CYP39A1: variants seen among roughly 807,000 people sequenced by gnomAD.
CYP39A1 encodes the protein 24-hydroxycholesterol 7-alpha-hydroxylase.
In CYP39A1, 49 loss-of-function variants were observed where a neutral mutation model predicts 58.1. The observed-to-expected ratio is 0.84, with a 90% CI of 0.67 to 1.07. The LOEUF is 1.07. CYP39A1 is among the 50% of genes least tolerant of loss of function. CYP39A1 has a pLI of 0.00. For synonymous variants in CYP39A1, 209 were observed against 187.6 expected (o/e 1.11, Z -0.93); for missense variants, 531 against 539.4 (o/e 0.98, Z 0.16).
intron 7 of CYP39A1, among the ~76,000 whole-genome samples, chr6:46,597,803 G>T (rs1773256254): frequency 6.6e-6 from 1 of 152,088 alleles, no homozygotes; most frequent in African/African-American, 2.4e-5. Context: ...TCCTGTCTTA[G>T]GCTGAGGGAG....
At chr6:46,581,382 C>T (rs1388473461) in intron 10 of CYP39A1, among the ~76,000 whole-genome samples, 1 of 148,060 alleles carries the variant, frequency 6.8e-6, no homozygotes, top group African/African-American at 2.5e-5. Flanking sequence ...TGCACTTTAG[C>T]CTGGGCAACA....
chr6:46,630,622 T>C (rs1775600263), intron 6 of CYP39A1, among the ~76,000 whole-genome samples: 1 of 152,156 alleles, frequency 6.6e-6, no homozygotes, highest in African/African-American at 2.4e-5. Context: ...ATTCATCTTT[T>C]CAATACCAAT....
intron 7 of CYP39A1, among the ~76,000 whole-genome samples, chr6:46,622,797 TAAGC>T (rs1384437348): frequency 6.6e-6 from 1 of 152,156 alleles, no homozygotes; most frequent in Non-Finnish European, 1.5e-5. Context: ...TAATTGGGGC[TAAGC>T]AAGCATCTTC....
chr6:46,557,933 C>CACA (rs1381128568), intron 10 of CYP39A1, among the ~76,000 whole-genome samples: 1 of 37,644 alleles, frequency 2.7e-5, no homozygotes, highest in East Asian at 6.9e-4. Flanking sequence ...GACTCCATCT[C>CACA]AAAAAAAAAA....
intron 7 of CYP39A1, among the ~76,000 whole-genome samples, 188 bp from the exon 8 acceptor site, chr6:46,596,308 A>T (rs1350487698): frequency 1.3e-5 from 2 of 152,042 alleles, no homozygotes; most frequent in Non-Finnish European, 2.9e-5. Flanking sequence ...GACAAGGTAA[A>T]ATGTATGACA....
chr6:46,561,374 T>C (rs1266692722), intron 10 of CYP39A1, among the ~76,000 whole-genome samples: 3 of 152,132 alleles, frequency 2.0e-5, no homozygotes, highest in Admixed American at 6.6e-5. Context: ...CTCAAGTCCC[T>C]AGAGGCACTG....
chr6:46,557,566 C>G (rs986844105), intron 10 of CYP39A1, among the ~76,000 whole-genome samples: 1 of 150,078 alleles, frequency 6.7e-6, no homozygotes, highest in Non-Finnish European at 1.5e-5. Context: ...TAGCTTGAAC[C>G]AGGGAGGAGG....
chr6:46,641,969 A>G (rs1776366897), intron 2 of CYP39A1, among the ~76,000 whole-genome samples, 194 bp downstream of exon 2: 1 of 152,232 alleles, frequency 6.6e-6, no homozygotes, highest in Admixed American at 6.5e-5. Context: ...TAAATGTATT[A>G]GGCTGCCATT....
At chr6:46,632,908 G>A (rs1197001229) in intron 5 of CYP39A1, among the ~76,000 whole-genome samples, 4 of 151,666 alleles carry the variant, frequency 2.6e-5, no homozygotes, top group Non-Finnish European at 5.9e-5. Context: ...CTTTGATTCA[G>A]ATACTATGAC....
chr6:46,627,103 A>C (rs1387268691), intron 6 of CYP39A1, among the ~76,000 whole-genome samples: 2 of 152,098 alleles, frequency 1.3e-5, no homozygotes, highest in Non-Finnish European at 2.9e-5. Flanking sequence ...GAAAATGGCC[A>C]AACACTTTTA....
Position 46,601,428 on chromosome 6 carries a change from C to A in CYP39A1, c.932-5308G>T, listed in dbSNP as rs540999234. Among the ~76,000 whole-genome samples, 303 of 152,184 alleles carry A rather than the reference C, an allele frequency of 2.0e-3. 1 individual carries two copies. Among genetic ancestry groups the A allele is most frequent in the African/African-American group, 7.1e-3 (293 of 41,516 alleles). The stretch of plus-strand genomic sequence containing the variant: ...CTTCAATACCATTTAGAATTAAATC[C>A]AACATTCTCACTTTGGCAAATAAAG... On this transcript the variant is annotated intron_variant, in intron 7 of 11. Coordinates refer to ENST00000275016, the MANE Select transcript of CYP39A1 (RefSeq NM_016593.5).
intron 8 of CYP39A1, 92 bp from the exon 9 acceptor site, chr6:46,588,221 G>T (rs1313362071): frequency 3.5e-6 from 2 of 570,682 alleles, no homozygotes; most frequent in African/African-American, 2.0e-5. Flanking sequence ...ATTATATTGT[G>T]GTGAAGATAT....
intron 6 of CYP39A1, among the ~76,000 whole-genome samples, chr6:46,628,313 G>A (rs987574522): frequency 6.6e-6 from 1 of 152,220 alleles, no homozygotes; most frequent in African/African-American, 2.4e-5. Context: ...AAGACAGTGA[G>A]AGAGCAAACA....
intron 1 of CYP39A1, among the ~76,000 whole-genome samples, chr6:46,650,383 C>CTTTT (rs34431587): frequency 6.9e-6 from 1 of 145,940 alleles, no homozygotes; most frequent in African/African-American, 2.5e-5. Flanking sequence ...AGCACTCTGG[C>CTTTT]TTTTTTTTTT....
chr6:46,600,545 T>C (rs1376202414), intron 7 of CYP39A1, among the ~76,000 whole-genome samples: 2 of 152,056 alleles, frequency 1.3e-5, no homozygotes, highest in Admixed American at 6.6e-5. Context: ...TTCCCCAGCC[T>C]CTGGGGAAGG....
At position 46,599,828 on chromosome 6, in the gene CYP39A1, A is replaced by T. The variant is rs539482146; in HGVS notation, c.932-3708T>A. ...GGCTTTGTTTGCAGGTCTAAAAGGCATCTCAAAGCAACACTGGCCTACACA... is the reference window on the plus strand; with the variant it reads ...GGCTTTGTTTGCAGGTCTAAAAGGCTTCTCAAAGCAACACTGGCCTACACA... On this transcript the variant is annotated intron_variant, in intron 7 of 11. Coordinates refer to ENST00000275016, the MANE Select transcript of CYP39A1 (RefSeq NM_016593.5). 2.0e-5 allele frequency among the ~76,000 whole-genome samples: 3 copies of T among 152,272 alleles called. No individual in the cohort carries two copies. In the South Asian group the frequency reaches 6.2e-4, roughly 32 times the overall value.
chr6:46,610,738 CATT>C (rs1178632106), intron 7 of CYP39A1, among the ~76,000 whole-genome samples: 2 of 152,064 alleles, frequency 1.3e-5, no homozygotes, highest in Non-Finnish European at 2.9e-5. Context: ...ATGGAATTCT[CATT>C]ATATGTACAG....
intron 10 of CYP39A1, among the ~76,000 whole-genome samples, chr6:46,561,436 G>A (rs142770062): frequency 0.013 from 2,017 of 152,164 alleles, 36 homozygotes; most frequent in African/African-American, 0.046. Flanking sequence ...TGGGAGCTGC[G>A]CAAGTGAAGA....
intron 1 of CYP39A1, among the ~76,000 whole-genome samples, chr6:46,648,969 C>A (rs1762505295): frequency 6.6e-6 from 1 of 152,150 alleles, no homozygotes. Flanking sequence ...TTCTAATAAA[C>A]AAAAGACTGA....
Sources: allele counts gnomAD v4.1 joint callset (sites outside exome capture counted in the v4.1 genomes callset), GRCh38; gene constraint gnomAD v4.1.1; transcripts MANE v1.5; gene names NCBI Gene and HGNC (gene_info 2026-07-23, HGNC 2026-07-21).